ANXA7: variants seen among roughly 807,000 people sequenced by gnomAD.
ANXA7 encodes the protein annexin A7, also known as annexin VII.
In ANXA7, 55 loss-of-function variants were observed where a neutral mutation model predicts 64.9. The ratio of observed to expected loss-of-function variants is 0.85; its 90% confidence interval spans 0.68 to 1.06. The LOEUF (loss-of-function observed/expected upper bound fraction) is 1.06, where lower values mean the gene tolerates loss of function less well. ANXA7 is among the 50% of genes least tolerant of loss of function. ANXA7 has a pLI of 0.00. For synonymous variants in ANXA7, 200 were observed against 192.4 expected, an observed-to-expected ratio of 1.04 and a Z score of -0.33; for missense variants, 548 against 582.1, an observed-to-expected ratio of 0.94 and a Z score of 0.60.
At chr10:73,377,500 G>A (rs1229380834) in intron 12 of ANXA7, 2 of 147,146 alleles carry the variant, frequency 1.4e-5, no homozygotes, top group Admixed American at 7.0e-5. Context: ...AACCCGGGAG[G>A]CAGAGGTTGC....
chr10:73,379,922 G>A lies in ANXA7; in HGVS notation c.1122C>T (p.Ser374=). 1 of 1,614,126 alleles carries A rather than the reference G, an allele frequency of 6.2e-7. No individual in the cohort carries two copies. Among genetic ancestry groups the A allele is most frequent in the Non-Finnish European group, 8.5e-7 (1 of 1,180,030 alleles). ...MANRDLLSSV[S]REFSGYVESG... ...TTTCTACATATCCGGAAAACTCACG[G>A]CTCACACTGCTTAACAAGTCTCGAT... The change falls in exon 11 of 13, where the codon AGC becomes AGT. Residue 374 remains serine (S), a synonymous_variant. Transcript: ENST00000372921.
intron 5 of ANXA7, among the ~76,000 whole-genome samples, chr10:73,394,718 G>A (rs2055542450): frequency 6.6e-6 from 1 of 152,136 alleles, no homozygotes; most frequent in South Asian, 2.1e-4. Flanking sequence ...CGTGGGGTTG[G>A]GGTGGTGGGG....
rs1274782572 is a variant in ANXA7 at position 73,396,515 on chromosome 10, A to G, written c.435+4T>C. On this transcript the variant is annotated splice_donor_region_variant and intron_variant, in intron 5 of 12. Transcript: ENST00000372921. ...AGTGAGCTTAAAAGGTAGGAACAAA[A>G]TACCTGACTAGGGTAAGTAGGTTGT... 2.1e-5 allele frequency: 34 copies of G among 1,605,758 alleles called. No homozygotes were observed. Among genetic ancestry groups the G allele is most frequent in the Non-Finnish European group, 2.9e-5 (34 of 1,176,146 alleles).
chr10:73,393,854 G>A, intron 5 of ANXA7, among the ~76,000 whole-genome samples: 1 of 152,226 alleles, frequency 6.6e-6, no homozygotes, highest in South Asian at 2.1e-4. Context: ...CCAAAATTAA[G>A]AAATGGGATC....
chr10:73,389,349 T>C (rs566763055), intron 5 of ANXA7, among the ~76,000 whole-genome samples: 1 of 152,286 alleles, frequency 6.6e-6, no homozygotes, highest in Admixed American at 6.5e-5. Context: ...AAATACAACA[T>C]TGCATTCTGG....
chr10:73,390,834 T>C (rs1045044298), intron 5 of ANXA7, among the ~76,000 whole-genome samples: 6 of 151,632 alleles, frequency 4.0e-5, no homozygotes, highest in African/African-American at 1.5e-4. Flanking sequence ...AAGTAAATTT[T>C]CAAGAATACT....
At chr10:73,406,026 G>A (rs1033294335) in intron 1 of ANXA7, among the ~76,000 whole-genome samples, 47 of 151,898 alleles carry the variant, frequency 3.1e-4, no homozygotes, top group Admixed American at 5.9e-4. Context: ...TGCAATCTCG[G>A]CTCACTGCAG....
chr10:73,396,511 C>T lies in ANXA7; in HGVS notation c.435+8G>A. 6.2e-7 allele frequency: 1 copy of T among 1,603,710 alleles called. No individual in the cohort carries two copies. The highest frequency in any genetic ancestry group is 1.1e-5 in the South Asian group (1 of 89,376). ...CTAGAGTGAGCTTAAAAGGTAGGAACAAAATACCTGACTAGGGTAAGTAGG... is the reference window on the plus strand; with the variant it reads ...CTAGAGTGAGCTTAAAAGGTAGGAATAAAATACCTGACTAGGGTAAGTAGG... On this transcript the variant is annotated splice_region_variant and intron_variant, in intron 5 of 12. Transcript: ENST00000372921.
At chr10:73,377,742 G>C (rs376748863) in intron 12 of ANXA7, among the ~76,000 whole-genome samples, 4 of 150,484 alleles carry the variant, frequency 2.7e-5, no homozygotes, top group African/African-American at 7.4e-5. Flanking sequence ...ATTCTGGGTA[G>C]CTGGGACTAC....
chr10:73,379,527 T>C (rs573672100), intron 11 of ANXA7, among the ~76,000 whole-genome samples: 36 of 152,344 alleles, frequency 2.4e-4, no homozygotes, highest in African/African-American at 7.9e-4. Context: ...GTGGTGACAC[T>C]GTGAGTTCCT....
In ANXA7 at chr10:73,389,361, T is replaced by A. The variant is rs192487354; in HGVS notation, c.436-947A>T. 1.1e-3 allele frequency among the ~76,000 whole-genome samples: 165 copies of A among 152,304 alleles called. 2 individuals carry two copies. The highest frequency in any genetic ancestry group is 3.9e-3 in the African/African-American group (160 of 41,554). On this transcript the variant is annotated intron_variant, in intron 5 of 12. Transcript: ENST00000372921. ...AATAAATACAACATTGCATTCTGGA[T>A]TTGATCCTGAACCAGAAAAAGGACA...
intron 12 of ANXA7, among the ~76,000 whole-genome samples, chr10:73,377,904 C>CGTGTGTGTGTGTGTGT (rs141696096): frequency 4.2e-5 from 5 of 119,328 alleles, no homozygotes; most frequent in African/African-American, 1.5e-4. Flanking sequence ...CACGCCCCGG[C>CGTGTGTGTGTGTGTGT]GTGTGTGTGT....
intron 1 of ANXA7, among the ~76,000 whole-genome samples, chr10:73,411,927 A>C (rs1033088851): frequency 5.9e-5 from 9 of 152,208 alleles, no homozygotes; most frequent in African/African-American, 2.2e-4. Flanking sequence ...TGTGTAAAAA[A>C]TGCACTGATT....
At chr10:73,397,357 A>C in intron 3 of ANXA7, 83 bp from the exon 4 acceptor site, 1 of 709,032 alleles carries the variant, frequency 1.4e-6, no homozygotes, top group Non-Finnish European at 2.2e-6. Context: ...TATTGTTAAC[A>C]GTGGAAAAAT....
At chr10:73,401,612 G>C in intron 1 of ANXA7, among the ~76,000 whole-genome samples, 1 of 152,044 alleles carries the variant, frequency 6.6e-6, no homozygotes, top group Non-Finnish European at 1.5e-5. Flanking sequence ...TGATTCTCCT[G>C]CCTCAGCCTC....
chr10:73,412,381 TA>T (rs369111252), intron 1 of ANXA7, among the ~76,000 whole-genome samples: 4 of 152,056 alleles, frequency 2.6e-5, no homozygotes, highest in African/African-American at 9.7e-5. Context: ...ATTGTACATA[TA>T]TCATTTATTC....
At chr10:73,401,676 A>G (rs1346783923) in intron 1 of ANXA7, among the ~76,000 whole-genome samples, 1 of 151,832 alleles carries the variant, frequency 6.6e-6, no homozygotes, top group Non-Finnish European at 1.5e-5. Context: ...ATTTTTTGTT[A>G]TTTTTAGTAG....
chr10:73,392,229 G>A (rs957870155), intron 5 of ANXA7, among the ~76,000 whole-genome samples: 1 of 152,132 alleles, frequency 6.6e-6, no homozygotes, highest in African/African-American at 2.4e-5. Context: ...ACCAAAAAAA[G>A]TCCAGGACCA....
At chr10:73,387,546 G>A (rs2055395204) in intron 7 of ANXA7, 143 bp downstream of exon 7, 2 of 597,484 alleles carry the variant, frequency 3.3e-6, no homozygotes, top group Admixed American at 2.9e-5. Context: ...CAGAAATAGG[G>A]AATACAGTAC....
Sources: gnomAD v4.1 joint callset for allele counts (sites outside exome capture counted in the v4.1 genomes callset) on GRCh38, gnomAD v4.1.1 for gene constraint, MANE v1.5 for transcripts, NCBI Gene and HGNC (gene_info 2026-07-23, HGNC 2026-07-21) for gene names.